Variants in ZNRF3 observed in about 807,000 individuals in gnomAD.
ZNRF3 encodes the protein E3 ubiquitin-protein ligase ZNRF3.
Under a neutral mutation model 72.5 loss-of-function variants are expected in ZNRF3, and 23 were observed. That is an observed-to-expected ratio of 0.32 (90% CI 0.23 to 0.45). ZNRF3 has a LOEUF of 0.45. ZNRF3 is among the 20% of genes least tolerant of loss of function. The probability of loss-of-function intolerance (pLI) is 1.00; values close to 1 mark genes in which losing one functional copy is unlikely to be tolerated. For missense variants in ZNRF3, 1,169 were observed against 1,272.1 expected, an observed-to-expected ratio of 0.92 and a Z score of 1.23; for synonymous variants, 610 against 545.3, an observed-to-expected ratio of 1.12 and a Z score of -1.65.
In ZNRF3 at chr22:29,050,484, G is replaced by A; in HGVS notation, c.2303G>A (p.Arg768Lys). Residue 768 changes from arginine to lysine, a missense_variant, in exon 8 of 9, where the codon AGG becomes AAG. By Grantham distance (26) the Arg-to-Lys change is conservative (BLOSUM62 2). This residue lies in a region of ZNRF3 where 783 missense variants were observed against 731.4 expected (regional missense o/e 1.07). Transcript: ENST00000544604. ...GGCCTTCACCCCGACCATTTGCCCAGGACAGATGGGGTGAAATACGAGGGT... is the reference window on the plus strand; with the variant it reads ...GGCCTTCACCCCGACCATTTGCCCAAGACAGATGGGGTGAAATACGAGGGT... ...LYGLHPDHLP[R>K]TDGVKYEGLP... is the part of the protein sequence containing the mutation. The A allele has an allele frequency of 6.2e-7, 1 of 1,612,832 alleles. No individual in the cohort carries two copies. The highest frequency in any genetic ancestry group is 2.2e-5 in the East Asian group (1 of 44,878).
intron 1 of ZNRF3, among the ~76,000 whole-genome samples, chr22:28,916,054 A>T (rs1193320901): frequency 1.3e-5 from 2 of 152,172 alleles, no homozygotes; most frequent in Admixed American, 1.3e-4. Context: ...TTTATTTTTT[A>T]AATTTAAATT....
At chr22:29,000,857 T>C (rs2036128873) in intron 2 of ZNRF3, among the ~76,000 whole-genome samples, 1 of 152,024 alleles carries the variant, frequency 6.6e-6, no homozygotes, top group African/African-American at 2.4e-5. Context: ...GATGCAACCA[T>C]GGCTTACTGC....
chr22:28,939,754 T>C (rs995420638), intron 1 of ZNRF3, among the ~76,000 whole-genome samples: 5 of 152,192 alleles, frequency 3.3e-5, no homozygotes, highest in African/African-American at 1.2e-4. Flanking sequence ...TAGAACCAGA[T>C]GCTGTAGAAA....
chr22:29,040,999 A>T (rs2036952715), intron 2 of ZNRF3, among the ~76,000 whole-genome samples: 1 of 152,194 alleles, frequency 6.6e-6, no homozygotes, highest in Admixed American at 6.5e-5. Flanking sequence ...ACTGTGGCCC[A>T]TAGTAACTCT....
intron 1 of ZNRF3, among the ~76,000 whole-genome samples, chr22:28,924,104 G>A (rs1375383220): frequency 6.6e-6 from 1 of 152,252 alleles, no homozygotes; most frequent in Admixed American, 6.5e-5. Context: ...TGATGTAATC[G>A]TAGCCTGTGA....
intron 1 of ZNRF3, among the ~76,000 whole-genome samples, chr22:28,973,794 A>G (rs1384399021): frequency 1.3e-5 from 2 of 152,166 alleles, no homozygotes; most frequent in Non-Finnish European, 2.9e-5. Context: ...TAAAATCTTG[A>G]CTGGAGGGTA....
intron 2 of ZNRF3, among the ~76,000 whole-genome samples, chr22:28,996,271 C>T (rs1239277633): frequency 6.6e-6 from 1 of 152,132 alleles, no homozygotes; most frequent in African/African-American, 2.4e-5. Flanking sequence ...TGACATTTGC[C>T]CTTTTCACTC....
chr22:28,941,180 G>A (rs1238772810), intron 1 of ZNRF3, among the ~76,000 whole-genome samples: 1 of 152,132 alleles, frequency 6.6e-6, no homozygotes, highest in Non-Finnish European at 1.5e-5. Flanking sequence ...TGGTGGTGGT[G>A]GCAGCCAGGG....
chr22:29,031,992 G>T (rs1367878257), intron 2 of ZNRF3, among the ~76,000 whole-genome samples: 2 of 152,186 alleles, frequency 1.3e-5, no homozygotes, highest in Non-Finnish European at 2.9e-5. Flanking sequence ...GGATTTTGAA[G>T]CTGTGGTAGA....
chr22:29,054,822 C>G lies in ZNRF3; in HGVS notation c.*1200C>G. On this transcript the variant is annotated 3_prime_UTR_variant, in exon 9 of 9. Transcript: ENST00000544604. ...GGACCTACGAGGTCTGCACTGAGCT[C>G]CATTTGAATGATACCTTTCCTATCC... The G allele has an allele frequency of 6.7e-6, 1 of 149,694 alleles. No individual in the cohort carries two copies. The highest frequency in any genetic ancestry group is 2.2e-4 in the South Asian group (1 of 4,518). The allele number at this position is 149,694 out of a possible 1,614,324, so 9.3% of individuals were successfully genotyped here.
chr22:28,929,976 A>G (rs373442318), intron 1 of ZNRF3, among the ~76,000 whole-genome samples: 89 of 152,326 alleles, frequency 5.8e-4, no homozygotes, highest in African/African-American at 2.1e-3. Context: ...ATAGAAATAA[A>G]AAACATTTAA....
intron 1 of ZNRF3, among the ~76,000 whole-genome samples, chr22:28,961,426 C>G (rs927785430): frequency 6.6e-6 from 1 of 152,102 alleles, no homozygotes; most frequent in African/African-American, 2.4e-5. Flanking sequence ...AAAATATGGA[C>G]AGTATTCAGA....
intron 1 of ZNRF3, among the ~76,000 whole-genome samples, chr22:28,982,997 G>A (rs1729962986): frequency 6.6e-6 from 1 of 152,176 alleles, no homozygotes; most frequent in Admixed American, 6.5e-5. Context: ...AACTTAGGGT[G>A]GAAGTGGGAA....
intron 2 of ZNRF3, among the ~76,000 whole-genome samples, chr22:29,040,719 A>G (rs1482645065): frequency 6.6e-6 from 1 of 152,256 alleles, no homozygotes; most frequent in Non-Finnish European, 1.5e-5. Flanking sequence ...CCTGCAAGAC[A>G]AAGACAGATT....
chr22:29,028,722 C>T (rs914701067), intron 2 of ZNRF3, among the ~76,000 whole-genome samples: 5 of 152,184 alleles, frequency 3.3e-5, no homozygotes, highest in African/African-American at 1.2e-4. Context: ...CACCACCTCC[C>T]TTGCAGAGTT....
At chr22:28,938,762 A>G (rs755892784) in intron 1 of ZNRF3, among the ~76,000 whole-genome samples, 1 of 152,160 alleles carries the variant, frequency 6.6e-6, no homozygotes, top group Non-Finnish European at 1.5e-5. Context: ...TATATATAAA[A>G]CAAATGATTA....
chr22:28,963,482 A>G (rs565210773), intron 1 of ZNRF3, among the ~76,000 whole-genome samples: 1 of 152,268 alleles, frequency 6.6e-6, no homozygotes, highest in African/African-American at 2.4e-5. Flanking sequence ...GGAGGGAAAA[A>G]AACCACAGGC....
At chr22:28,892,220 T>C (rs2033901159) in intron 1 of ZNRF3, among the ~76,000 whole-genome samples, 1 of 152,162 alleles carries the variant, frequency 6.6e-6, no homozygotes, top group Non-Finnish European at 1.5e-5. Flanking sequence ...ATCAGATCCT[T>C]TGTGGGGCAA....
intron 2 of ZNRF3, among the ~76,000 whole-genome samples, chr22:29,014,058 C>G (rs1347172917): frequency 6.6e-6 from 1 of 152,134 alleles, no homozygotes; most frequent in East Asian, 1.9e-4. Context: ...AATATTATCC[C>G]CTAAATAGCT....
Sources: allele counts gnomAD v4.1 joint callset (sites outside exome capture counted in the v4.1 genomes callset), GRCh38; gene constraint gnomAD v4.1.1; regional missense constraint gnomAD v4.1.1; transcripts MANE v1.5; gene names NCBI Gene and HGNC (gene_info 2026-07-23, HGNC 2026-07-21).